Variants in RYR3 observed in about 807,000 individuals in gnomAD.
RYR3 encodes brain ryanodine receptor-calcium release channel.
In RYR3, 207 loss-of-function variants were observed where a neutral mutation model predicts 584.3. The ratio of observed to expected loss-of-function variants is 0.35; its 90% CI spans 0.32 to 0.40. RYR3 has a LOEUF of 0.40. Among genes scored for constraint, RYR3 ranks in the 10% least tolerant of loss-of-function variants. RYR3 has a pLI of 1.00. For missense variants in RYR3, 5,616 were observed against 6,089.2 expected (o/e 0.92, Z 2.59); for synonymous variants, 2,416 against 2,248.5 (o/e 1.07, Z -2.11).
intron 2 of RYR3, among the ~76,000 whole-genome samples, chr15:33,476,940 A>C (rs1223905259): frequency 6.6e-6 from 1 of 152,322 alleles, no homozygotes; most frequent in East Asian, 1.9e-4. Flanking sequence ...TCTTTCCTGC[A>C]GTCATTTGCA....
intron 1 of RYR3, among the ~76,000 whole-genome samples, chr15:33,441,333 A>G (rs921890875): frequency 3.3e-5 from 5 of 152,186 alleles, no homozygotes; most frequent in African/African-American, 1.2e-4. Flanking sequence ...CTTAGGATGA[A>G]TATTTCTATA....
chr15:33,512,538 G>T (rs1648171954), intron 3 of RYR3, among the ~76,000 whole-genome samples: 1 of 152,138 alleles, frequency 6.6e-6, no homozygotes, highest in South Asian at 2.1e-4. Flanking sequence ...TGGTGAAATG[G>T]GCGTGTTGTG....
In RYR3 at chr15:33,837,723, A is replaced by G. The variant is rs1214413367; in HGVS notation, c.11743A>G (p.Met3915Val). 3 of 1,612,718 alleles carry G rather than the reference A, an allele frequency of 1.9e-6. No homozygotes were observed. Among genetic ancestry groups the G allele is most frequent in the African/African-American group, 1.3e-5 (1 of 74,924 alleles). ...NVEMILKFFD[M>V]FLKLKDLTSS... Reference sequence around the variant, plus strand: ...AGAAATGATCTTGAAATTCTTTGACATGTTCTTGAAACTTAAAGACTTAAC... The same window carrying G: ...AGAAATGATCTTGAAATTCTTTGACGTGTTCTTGAAACTTAAAGACTTAAC... Residue 3915 changes from methionine (M) to valine (V), a missense_variant, in exon 89 of 104, where the codon ATG becomes GTG. Coordinates refer to ENST00000634891, the MANE Select transcript of RYR3 (RefSeq NM_001036.6).
intron 65 of RYR3, among the ~76,000 whole-genome samples, chr15:33,782,164 G>C (rs115655300): frequency 0.015 from 2,311 of 151,626 alleles, 62 homozygotes; most frequent in African/African-American, 0.054. Context: ...GAGAGAAACT[G>C]CCTCTGCTCT....
chr15:33,620,206 C>G (rs954357734), intron 19 of RYR3, among the ~76,000 whole-genome samples: 1 of 152,154 alleles, frequency 6.6e-6, no homozygotes, highest in Non-Finnish European at 1.5e-5. Context: ...CTTTTCCATG[C>G]AGCCCTTTCT....
At chr15:33,789,915 A>G (rs1279085358) in intron 67 of RYR3, among the ~76,000 whole-genome samples, 1 of 146,128 alleles carries the variant, frequency 6.8e-6, no homozygotes, top group Non-Finnish European at 1.5e-5. Context: ...AGCTCAAGCA[A>G]TCCGCCTGCC....
At chr15:33,561,763 A>G (rs1334004026) in intron 10 of RYR3, among the ~76,000 whole-genome samples, 1 of 151,958 alleles carries the variant, frequency 6.6e-6, no homozygotes, top group Non-Finnish European at 1.5e-5. Flanking sequence ...AGCCAGGTGC[A>G]GTGGCCTGCA....
In RYR3 at chr15:33,857,758, TTC is replaced by T. The variant is rs770609406; in HGVS notation, c.14008-18_14008-17del. 9.9e-6 allele frequency: 16 copies of T among 1,613,632 alleles called. No individual in the cohort carries two copies. Among genetic ancestry groups the T allele is most frequent in the South Asian group, 1.1e-5 (1 of 91,060 alleles). ...TAGAGAAGACCCCACTCCTTTTCCT[TTC>T]TCTGTCCTCTCATTCCCAGTTGGTT... On this transcript the variant is annotated intron_variant, in intron 98 of 103. Coordinates refer to ENST00000634891, the MANE Select transcript of RYR3 (RefSeq NM_001036.6).
chr15:33,643,485 G>C (rs775812389), intron 27 of RYR3, among the ~76,000 whole-genome samples: 1 of 152,222 alleles, frequency 6.6e-6, no homozygotes. Context: ...TTGGAGAGAT[G>C]ATAGCTGTAG....
chr15:33,447,220 T>C lies in RYR3; in HGVS notation c.52-26199T>C, dbSNP rs529342763. Among the ~76,000 whole-genome samples, 4 of 152,336 alleles carry C rather than the reference T, an allele frequency of 2.6e-5. No individual in the cohort carries two copies. The South Asian group carries it at 8.3e-4, about 32-fold the overall frequency. On this transcript the variant is annotated intron_variant, in intron 1 of 103. Transcript: ENST00000634891. ...TCAATAAAGGTAACCTTTTGTTCAT[T>C]GCTTAGAACTTGGTATTCATGATGA...
intron 60 of RYR3, among the ~76,000 whole-genome samples, chr15:33,763,315 A>G (rs1011792132): frequency 1.3e-5 from 2 of 152,188 alleles, no homozygotes; most frequent in Non-Finnish European, 2.9e-5. Flanking sequence ...AGAAACTACC[A>G]TCAGAGTGAA....
intron 1 of RYR3, among the ~76,000 whole-genome samples, chr15:33,413,235 C>CTA (rs1188438486): frequency 6.6e-6 from 1 of 152,156 alleles, no homozygotes; most frequent in Non-Finnish European, 1.5e-5. Flanking sequence ...GCCAGTAAGT[C>CTA]TTCTCACTGA....
At chr15:33,477,811 G>C (rs112033382) in intron 2 of RYR3, among the ~76,000 whole-genome samples, 3,175 of 113,934 alleles carry the variant, frequency 0.028, 140 homozygotes, top group Non-Finnish European at 0.029. Flanking sequence ...GGAGGCGGAG[G>C]TTGCAGTGAG....
intron 36 of RYR3, among the ~76,000 whole-genome samples, chr15:33,664,328 G>A (rs978730336): frequency 3.9e-5 from 6 of 151,910 alleles, no homozygotes; most frequent in Admixed American, 3.9e-4. Flanking sequence ...GCCTTACCCC[G>A]ATGGGAAGGG....
intron 1 of RYR3, among the ~76,000 whole-genome samples, chr15:33,399,588 A>C (rs1375396214): frequency 6.6e-6 from 1 of 152,154 alleles, no homozygotes; most frequent in Non-Finnish European, 1.5e-5. Context: ...CAGTGAGCCG[A>C]GATAGCGCCA....
intron 2 of RYR3, among the ~76,000 whole-genome samples, chr15:33,495,831 A>T (rs2051369441): frequency 6.6e-6 from 1 of 152,264 alleles, no homozygotes; most frequent in Non-Finnish European, 1.5e-5. Context: ...AATCTGGTTA[A>T]GATGAGGTAT....
In RYR3 at chr15:33,660,206, C is replaced by A. The variant is rs769909365; in HGVS notation, c.4405C>A (p.Pro1469Thr). ...FELGKLKNAM[P>T]LSAAIFRSEE... Reference sequence around the variant, plus strand: ...TTCCCACGTGCCCCAGAACGCAATGCCCCTGTCAGCGGCCATATTCAGGAG... The same window carrying A: ...TTCCCACGTGCCCCAGAACGCAATGACCCTGTCAGCGGCCATATTCAGGAG... Residue 1469 changes from proline to threonine, a missense_variant, in exon 34 of 104, where the codon CCC (proline) becomes ACC (threonine). Pro to Thr is a conservative substitution (Grantham distance 38). This residue lies in a region of RYR3 where 753 missense variants were observed against 741.0 expected (regional missense o/e 1.02). Transcript: ENST00000634891. The A allele has an allele frequency of 6.4e-7, 1 of 1,551,510 alleles. No individual in the cohort carries two copies. The highest frequency in any genetic ancestry group is 1.2e-5 in the South Asian group (1 of 84,026).
At chr15:33,580,926 G>C (rs556128431) in intron 13 of RYR3, among the ~76,000 whole-genome samples, 1 of 151,888 alleles carries the variant, frequency 6.6e-6, no homozygotes, top group Admixed American at 6.6e-5. Flanking sequence ...CCTCCCATGC[G>C]CTAAGAACAG....
intron 1 of RYR3, among the ~76,000 whole-genome samples, chr15:33,389,864 C>T (rs894198098): frequency 6.6e-6 from 1 of 152,186 alleles, no homozygotes; most frequent in Non-Finnish European, 1.5e-5. Context: ...GCAGCTATTT[C>T]ACCTTTCAGT....
Sources: allele counts gnomAD v4.1 joint callset (sites outside exome capture counted in the v4.1 genomes callset), GRCh38; gene constraint gnomAD v4.1.1; regional missense constraint gnomAD v4.1.1; transcripts MANE v1.5; gene names NCBI Gene and HGNC (gene_info 2026-07-23, HGNC 2026-07-21).